TBC1D30: variants seen among roughly 807,000 people sequenced by gnomAD.
TBC1D30 encodes TBC1 domain family, member 30.
Under a neutral mutation model 63.2 loss-of-function variants are expected in TBC1D30, and 31 were observed. The observed-to-expected ratio is 0.49, with a 90% CI of 0.37 to 0.66. The LOEUF (loss-of-function observed/expected upper bound fraction) is 0.66. TBC1D30 is among the 30% of genes least tolerant of loss of function. TBC1D30 has a pLI of 0.00. For synonymous variants in TBC1D30, 307 were observed against 361.5 expected, an observed-to-expected ratio of 0.85 and a Z score of 1.71; for missense variants, 810 against 953.6, an observed-to-expected ratio of 0.85 and a Z score of 1.98.
At chr12:64,830,808 A>C (rs576204061) in intron 4 of TBC1D30, among the ~76,000 whole-genome samples, 1 of 152,342 alleles carries the variant, frequency 6.6e-6, no homozygotes, top group East Asian at 1.9e-4. Flanking sequence ...CTGGATTTTT[A>C]TATAAAAGTC....
At chr12:64,805,008 C>G (rs573011407) in intron 2 of TBC1D30, among the ~76,000 whole-genome samples, 35 of 152,206 alleles carry the variant, frequency 2.3e-4, no homozygotes, top group African/African-American at 8.4e-4. Context: ...CGAGACCAGC[C>G]TGGCCAACAT....
chr12:64,846,363 G>T (rs886495479), intron 8 of TBC1D30, among the ~76,000 whole-genome samples: 5 of 150,974 alleles, frequency 3.3e-5, no homozygotes, highest in Admixed American at 2.6e-4. Flanking sequence ...AATCCATTTT[G>T]ATTGATTTTT....
chr12:64,785,980 T>G (rs1409551551), exon 2 of TBC1D30: 7 of 1,289,866 alleles, frequency 5.4e-6, no homozygotes, highest in South Asian at 2.5e-5. Context: ...GATAGGCTTC[T>G]GCATAAAGTG....
At chr12:64,796,483 CTG>C in intron 2 of TBC1D30, among the ~76,000 whole-genome samples, 1 of 152,196 alleles carries the variant, frequency 6.6e-6, no homozygotes, top group South Asian at 2.1e-4. Flanking sequence ...TTTATGTTCT[CTG>C]TATTGCCACA....
rs1252659573 is a variant in TBC1D30 at position 64,827,879 on chromosome 12, C to G, written c.199C>G (p.Gln67Glu). 6.5e-7 allele frequency: 1 copy of G among 1,534,584 alleles called. No individual in the cohort carries two copies. The highest frequency in any genetic ancestry group is 2.0e-5 in the Admixed American group (1 of 50,842). ...LKFTLEPSLGQNGFQQWYDAL... is the reference protein window; with the variant it reads ...LKFTLEPSLGENGFQQWYDAL... ...ATTCACTCTTGAGCCATCTTTAGGT[C>G]AAAATGGTTTTCAGCAGGTAACTTT... The change falls in exon 2 of 12, where the codon CAA becomes GAA. Residue 67 changes from glutamine to glutamate, a missense_variant. Transcript: ENST00000539867.
intron 1 of TBC1D30, among the ~76,000 whole-genome samples, chr12:64,762,159 G>A (rs1369248669): frequency 1.3e-5 from 2 of 152,168 alleles, no homozygotes; most frequent in Non-Finnish European, 2.9e-5. Flanking sequence ...TATTGGGGTG[G>A]TGGAATGTCT....
intron 2 of TBC1D30, among the ~76,000 whole-genome samples, chr12:64,812,446 A>G (rs1309157998): frequency 6.6e-6 from 1 of 152,232 alleles, no homozygotes; most frequent in African/African-American, 2.4e-5. Context: ...AAACTTATAA[A>G]AATAATTGTT....
chr12:64,858,534 T>G (rs1877505701), intron 8 of TBC1D30, among the ~76,000 whole-genome samples: 1 of 152,152 alleles, frequency 6.6e-6, no homozygotes, highest in South Asian at 2.1e-4. Context: ...GGGTTCCCTT[T>G]TGGCCCAGGG....
chr12:64,839,513 T>C (rs943277847), intron 7 of TBC1D30, among the ~76,000 whole-genome samples: 8 of 152,226 alleles, frequency 5.3e-5, no homozygotes, highest in East Asian at 1.9e-4. Context: ...ATGAAACTTA[T>C]AGTTAAGAAG....
At chr12:64,789,964 A>C (rs1055090779) in intron 2 of TBC1D30, among the ~76,000 whole-genome samples, 10 of 152,218 alleles carry the variant, frequency 6.6e-5, no homozygotes, top group African/African-American at 2.4e-4. Flanking sequence ...TTATTAGGAA[A>C]CTGATTCAGA....
chr12:64,765,623 A>T (rs1344200271), intron 1 of TBC1D30, among the ~76,000 whole-genome samples: 2 of 151,678 alleles, frequency 1.3e-5, no homozygotes, highest in African/African-American at 2.4e-5. Flanking sequence ...AAGTTAATAG[A>T]TTAATGTGTT....
chr12:64,803,527 CT>C (rs1318552637), intron 2 of TBC1D30, among the ~76,000 whole-genome samples: 1 of 152,148 alleles, frequency 6.6e-6, no homozygotes, highest in Non-Finnish European at 1.5e-5. Context: ...TCAATTTTGG[CT>C]TTTGTTGCCA....
At chr12:64,828,821 C>T (rs1041562449) in intron 3 of TBC1D30, among the ~76,000 whole-genome samples, 5 of 151,900 alleles carry the variant, frequency 3.3e-5, no homozygotes, top group African/African-American at 4.8e-5. Flanking sequence ...AAATAAAGAG[C>T]GTTTAGGAGA....
chr12:64,836,692 T>C, intron 6 of TBC1D30, 34 bp downstream of exon 6: 4 of 1,506,834 alleles, frequency 2.7e-6, no homozygotes, highest in South Asian at 2.4e-5. Flanking sequence ...TCTGAAAATA[T>C]TTGTCTTCTC....
intron 8 of TBC1D30, among the ~76,000 whole-genome samples, chr12:64,851,379 T>C (rs1450394708): frequency 6.6e-6 from 1 of 152,168 alleles, no homozygotes; most frequent in African/African-American, 2.4e-5. Context: ...TCCCATTTGC[T>C]TGGTAAATCT....
Position 64,824,803 on chromosome 12 carries a change from G to C in TBC1D30, c.-77G>C. ...GCCGCAGACACTCACCCAGCTCCGC[G>C]AGCTCAGCCGCTCAGCGAGTGGGGT... On this transcript the variant is annotated 5_prime_UTR_variant, in exon 1 of 12. Coordinates refer to ENST00000539867, the MANE Select transcript of TBC1D30 (RefSeq NM_015279.2). 6.7e-7 allele frequency: 1 copy of C among 1,482,960 alleles called. No homozygotes were observed. Among genetic ancestry groups the C allele is most frequent in the Non-Finnish European group, 8.9e-7 (1 of 1,117,618 alleles). 91.9% of individuals were successfully genotyped at this position (1,482,960 alleles called of 1,614,324 possible). A position where few individuals can be genotyped will look rare whatever the true frequency, so the allele number is the denominator to read the frequency against.
intron 1 of TBC1D30, among the ~76,000 whole-genome samples, chr12:64,769,295 T>C (rs1592523642): frequency 6.6e-6 from 1 of 151,816 alleles, no homozygotes; most frequent in African/African-American, 2.4e-5. Flanking sequence ...AACCTACATC[T>C]CCCAGGTTCA....
intron 5 of TBC1D30, among the ~76,000 whole-genome samples, chr12:64,834,466 G>A (rs112236251): frequency 3.9e-4 from 58 of 149,284 alleles, no homozygotes; most frequent in African/African-American, 1.4e-3. Context: ...GAGTGCAGTG[G>A]CATGATCTTG....
chr12:64,847,734 T>C (rs1876517632), intron 8 of TBC1D30, among the ~76,000 whole-genome samples: 1 of 151,488 alleles, frequency 6.6e-6, no homozygotes, highest in Admixed American at 6.6e-5. Context: ...TCCATTGTGG[T>C]CAGAGAAGAT....
Sources: gnomAD v4.1 joint callset for allele counts (sites outside exome capture counted in the v4.1 genomes callset) on GRCh38, gnomAD v4.1.1 for gene constraint, MANE v1.5 for transcripts, NCBI Gene and HGNC (gene_info 2026-07-23, HGNC 2026-07-21) for gene names.